The following GPC6 variants were observed in gnomAD, a reference collection of about 807,000 sequenced individuals.
GPC6 encodes glypican-6.
GPC6 carries 14 observed loss-of-function variants against 55.2 expected under a neutral mutation model. The ratio of observed to expected loss-of-function variants is 0.25; its 90% CI spans 0.17 to 0.40. GPC6 has a LOEUF of 0.40. Ranked by LOEUF, GPC6 falls within the 10% of genes least tolerant of loss-of-function variation. The pLI, the probability that GPC6 is intolerant of heterozygous loss-of-function variation, is 1.00. For missense variants in GPC6, 641 were observed against 708.5 expected, an observed-to-expected ratio of 0.90 and a Z score of 1.08; for synonymous variants, 278 against 259.6, an observed-to-expected ratio of 1.07 and a Z score of -0.68.
intron 3 of GPC6, among the ~76,000 whole-genome samples, chr13:93,992,209 G>A (rs1250328196): frequency 6.6e-6 from 1 of 151,500 alleles, no homozygotes; most frequent in African/African-American, 2.4e-5. Context: ...GGGTGTGGGT[G>A]TGTGTGTTAT....
At chr13:93,304,473 T>C (rs959796496) in intron 1 of GPC6, among the ~76,000 whole-genome samples, 3 of 152,228 alleles carry the variant, frequency 2.0e-5, no homozygotes, top group African/African-American at 7.2e-5. Flanking sequence ...CATTTACCTC[T>C]GTCTTAACTT....
chr13:94,110,905 A>G (rs1244776458), intron 4 of GPC6, among the ~76,000 whole-genome samples: 3 of 152,158 alleles, frequency 2.0e-5, no homozygotes, highest in Admixed American at 6.6e-5. Context: ...GGCTCATAAA[A>G]TATGACATTT....
intron 4 of GPC6, among the ~76,000 whole-genome samples, chr13:94,282,053 T>G (rs189267535): frequency 3.9e-5 from 6 of 152,198 alleles, no homozygotes; most frequent in Admixed American, 3.9e-4. Context: ...ATAAATATTG[T>G]CATTTGGCTG....
At chr13:93,740,712 A>G (rs1231525840) in intron 2 of GPC6, among the ~76,000 whole-genome samples, 1 of 152,234 alleles carries the variant, frequency 6.6e-6, no homozygotes, top group Admixed American at 6.5e-5. Context: ...TGCAAGATAC[A>G]TTAGATGAAT....
intron 2 of GPC6, among the ~76,000 whole-genome samples, chr13:93,803,424 G>T (rs148017319): frequency 2.6e-5 from 4 of 152,198 alleles, no homozygotes; most frequent in Non-Finnish European, 5.9e-5. Context: ...AATAAAAAAA[G>T]ACATGACAAC....
At chr13:93,897,577 C>A (rs1876087793) in intron 3 of GPC6, among the ~76,000 whole-genome samples, 1 of 152,116 alleles carries the variant, frequency 6.6e-6, no homozygotes, top group Non-Finnish European at 1.5e-5. Context: ...TTCAGATTCA[C>A]CATATAATTT....
At chr13:94,285,481 G>T (rs1405088811) in intron 4 of GPC6, among the ~76,000 whole-genome samples, 2 of 152,158 alleles carry the variant, frequency 1.3e-5, no homozygotes, top group Non-Finnish European at 2.9e-5. Flanking sequence ...ACCTATAGAA[G>T]ATAAGTTCTA....
At chr13:93,893,302 G>A (rs558439375) in intron 3 of GPC6, among the ~76,000 whole-genome samples, 10 of 152,096 alleles carry the variant, frequency 6.6e-5, no homozygotes, top group Non-Finnish European at 7.4e-5. Flanking sequence ...CAGGTGATCC[G>A]CCTCGGCCTC....
rs528920939 is a variant in GPC6 at position 93,997,862 on chromosome 13, C to T, written c.712-29867C>T. Among the ~76,000 whole-genome samples, 6 of 152,180 alleles carry T rather than the reference C, an allele frequency of 3.9e-5. No homozygotes were observed. The South Asian group carries it at 8.3e-4, about 21-fold the overall frequency. On this transcript the variant is annotated intron_variant, in intron 3 of 8. Coordinates refer to ENST00000377047, the MANE Select transcript of GPC6 (RefSeq NM_005708.5). Reference sequence around the variant, plus strand: ...TGCATTAGCAACAAGTGAAGTTAAACGTAAGGGAAAATCAAGAGAATCAGC... The same window carrying T: ...TGCATTAGCAACAAGTGAAGTTAAATGTAAGGGAAAATCAAGAGAATCAGC...
rs541134703 is a variant in GPC6, at chr13:94,169,849, T to C, written c.878-116500T>C. 2.0e-5 allele frequency among the ~76,000 whole-genome samples: 3 copies of C among 151,824 alleles called. No individual in the cohort carries two copies. The South Asian group carries it at 6.3e-4, about 32-fold the overall frequency. ...AGCCCACTTTGATGTTGCTGGAGAG[T>C]CCTACTCCAGCATCTTCCTATTTTC... On this transcript the variant is annotated intron_variant, in intron 4 of 8. Transcript: ENST00000377047.
chr13:94,164,239 GCACA>G (rs1888269297), intron 4 of GPC6, among the ~76,000 whole-genome samples: 1 of 152,068 alleles, frequency 6.6e-6, no homozygotes, highest in East Asian at 1.9e-4. Context: ...TACTTACATA[GCACA>G]TTCCCAGTAA....
At chr13:93,964,518 G>A (rs1188108120) in intron 3 of GPC6, among the ~76,000 whole-genome samples, 1 of 152,142 alleles carries the variant, frequency 6.6e-6, no homozygotes, top group East Asian at 1.9e-4. Context: ...CCCTAGGAGG[G>A]CTAATCAAAA....
At chr13:93,675,992 C>T (rs959745544) in intron 2 of GPC6, among the ~76,000 whole-genome samples, 1 of 150,850 alleles carries the variant, frequency 6.6e-6, no homozygotes, top group South Asian at 2.1e-4. Flanking sequence ...TGCCAGAGGC[C>T]AGGTGCAGTG....
At chr13:94,281,457 T>C (rs1892380453) in intron 4 of GPC6, among the ~76,000 whole-genome samples, 1 of 152,152 alleles carries the variant, frequency 6.6e-6, no homozygotes, top group South Asian at 2.1e-4. Context: ...CTTCTTGCTT[T>C]CTCTAAAACA....
chr13:94,094,144 A>AT (rs1290592822), intron 4 of GPC6, among the ~76,000 whole-genome samples: 2 of 151,968 alleles, frequency 1.3e-5, no homozygotes, highest in Non-Finnish European at 2.9e-5. Flanking sequence ...AGTCACAGAG[A>AT]TTGAGGGTGT....
intron 1 of GPC6, among the ~76,000 whole-genome samples, chr13:93,331,824 AT>A (rs1208714423): frequency 6.6e-6 from 1 of 151,970 alleles, no homozygotes; most frequent in East Asian, 1.9e-4. Context: ...ATCTAACTGT[AT>A]TTTTGTACCT....
chr13:94,213,923 C>T (rs2138992515), intron 4 of GPC6, among the ~76,000 whole-genome samples: 1 of 152,278 alleles, frequency 6.6e-6, no homozygotes, highest in Admixed American at 6.5e-5. Context: ...CCAACTTTAG[C>T]TGTGAAATAT....
intron 1 of GPC6, among the ~76,000 whole-genome samples, chr13:93,298,615 CT>C (rs11327936): frequency 0.12 from 17,560 of 145,456 alleles, 1,214 homozygotes; most frequent in East Asian, 0.36. Context: ...TTTCTTTTTT[CT>C]TTTTTTTTTT....
At chr13:94,319,034 T>C (rs1876685928) in intron 6 of GPC6, among the ~76,000 whole-genome samples, 1 of 152,156 alleles carries the variant, frequency 6.6e-6, no homozygotes, top group African/African-American at 2.4e-5. Context: ...AATAACAATC[T>C]TTTTATTTCA....
Sources: gnomAD v4.1 joint callset for allele counts (sites outside exome capture counted in the v4.1 genomes callset) on GRCh38, gnomAD v4.1.1 for gene constraint, MANE v1.5 for transcripts, NCBI Gene and HGNC (gene_info 2026-07-23, HGNC 2026-07-21) for gene names.